The following SPAG17 variants were observed in gnomAD, a reference collection of about 807,000 sequenced individuals.
SPAG17 encodes the protein sperm-associated antigen 17.
A neutral mutation model predicts 273.6 loss-of-function variants in SPAG17; 169 were observed. The observed-to-expected ratio is 0.62, with a 90% CI of 0.55 to 0.70. SPAG17 has a LOEUF of 0.70. Among genes scored for constraint, SPAG17 ranks in the 30% least tolerant of loss-of-function variants. The pLI, the probability that SPAG17 is intolerant of heterozygous loss-of-function variation, is 0.00. For synonymous variants in SPAG17, 825 were observed against 873.2 expected (o/e 0.94, Z 0.97); for missense variants, 2,557 against 2,627.8 (o/e 0.97, Z 0.59).
At chr1:118,161,544 TC>T (rs1659913426) in intron 1 of SPAG17, among the ~76,000 whole-genome samples, 1 of 152,150 alleles carries the variant, frequency 6.6e-6, no homozygotes, top group Non-Finnish European at 1.5e-5. Context: ...AGGTTTTTTT[TC>T]TTCTTTTTTT....
chr1:118,034,653 T>A (rs1648864078), intron 24 of SPAG17, among the ~76,000 whole-genome samples: 1 of 152,134 alleles, frequency 6.6e-6, no homozygotes, highest in Non-Finnish European at 1.5e-5. Flanking sequence ...TGGTACAGCA[T>A]GAGAAAATGG....
chr1:118,055,849 T>C lies in SPAG17; in HGVS notation c.2606A>G (p.Gln869Arg), dbSNP rs760654863. The C allele has an allele frequency of 6.2e-7, 1 of 1,612,918 alleles. No individual in the cohort carries two copies. Among genetic ancestry groups the C allele is most frequent in the Non-Finnish European group, 8.5e-7 (1 of 1,179,464 alleles). ...DWITKEEAIY[Q>R]ESKMNEKIIR... ...GATTTTCTCATTCATTTTAGATTCCTGATATATAGCTTCTTCTTTTGTAAT... is the reference window on the plus strand; with the variant it reads ...GATTTTCTCATTCATTTTAGATTCCCGATATATAGCTTCTTCTTTTGTAAT... Residue 869 changes from glutamine to arginine, a missense_variant, in exon 19 of 49, where the codon CAG (glutamine) becomes CGG (arginine). Physicochemically the swap from Gln to Arg is conservative, Grantham distance 43 (BLOSUM62 1). Coordinates refer to ENST00000336338, the MANE Select transcript of SPAG17 (RefSeq NM_206996.4).
Position 118,159,905 on chromosome 1 carries a change from C to T in SPAG17, c.88-8536G>A, listed in dbSNP as rs553799398. On this transcript the variant is annotated intron_variant, in intron 1 of 48. Transcript: ENST00000336338. Reference sequence around the variant, plus strand: ...CACCCCCAACAGTGGGCTGAAATTACGGCTCCATTATGTTAGTACAATCCA... The same window carrying T: ...CACCCCCAACAGTGGGCTGAAATTATGGCTCCATTATGTTAGTACAATCCA... Among the ~76,000 whole-genome samples, 4 of 152,284 alleles carry T rather than the reference C, an allele frequency of 2.6e-5. No homozygotes were observed. In the South Asian group the frequency reaches 6.2e-4, roughly 24 times the overall value.
intron 1 of SPAG17, among the ~76,000 whole-genome samples, chr1:118,171,807 C>T (rs1313491665): frequency 6.6e-6 from 1 of 151,996 alleles, no homozygotes; most frequent in Admixed American, 6.6e-5. Context: ...ATTGCAAGGT[C>T]CACGTAAAAT....
intron 4 of SPAG17, among the ~76,000 whole-genome samples, chr1:118,108,643 G>A (rs1656558632): frequency 6.6e-6 from 1 of 151,848 alleles, no homozygotes; most frequent in Non-Finnish European, 1.5e-5. Flanking sequence ...CTCTCTCCAC[G>A]ATGTTTGAGG....
At chr1:118,141,787 A>C (rs1325132385) in intron 3 of SPAG17, among the ~76,000 whole-genome samples, 3 of 152,226 alleles carry the variant, frequency 2.0e-5, no homozygotes, top group Non-Finnish European at 4.4e-5. Flanking sequence ...TTTTAAAATT[A>C]TTTATTTTAG....
chr1:118,024,543 T>C (rs1296004752), intron 27 of SPAG17, among the ~76,000 whole-genome samples: 3 of 152,174 alleles, frequency 2.0e-5, no homozygotes, highest in Non-Finnish European at 2.9e-5. Flanking sequence ...TTTATGATTC[T>C]TGAGTGCATG....
intron 4 of SPAG17, among the ~76,000 whole-genome samples, chr1:118,104,376 C>G (rs1656259857): frequency 6.6e-6 from 1 of 152,102 alleles, no homozygotes; most frequent in South Asian, 2.1e-4. Context: ...TTAAGGTGGA[C>G]AGAATATTAA....
intron 4 of SPAG17, among the ~76,000 whole-genome samples, chr1:118,108,581 G>A (rs976151964): frequency 6.6e-6 from 1 of 152,098 alleles, no homozygotes; most frequent in African/African-American, 2.4e-5. Context: ...AATTCAGAGG[G>A]AACTCTTGTC....
At chr1:118,072,382 T>C (rs145356982) in intron 17 of SPAG17, among the ~76,000 whole-genome samples, 232 of 152,120 alleles carry the variant, frequency 1.5e-3, no homozygotes, top group African/African-American at 5.3e-3. Flanking sequence ...AGGCAACAGG[T>C]ATCTAACTGG....
intron 35 of SPAG17, among the ~76,000 whole-genome samples, chr1:117,994,061 T>C (rs958729407): frequency 3.9e-5 from 6 of 152,126 alleles, no homozygotes; most frequent in African/African-American, 1.4e-4. Flanking sequence ...TAAGAAATGA[T>C]AGAAGGAAAG....
chr1:118,126,706 A>AT (rs1657757685), intron 3 of SPAG17, among the ~76,000 whole-genome samples: 2 of 152,074 alleles, frequency 1.3e-5, no homozygotes, highest in South Asian at 4.2e-4. Flanking sequence ...CCATTTATCT[A>AT]TTTTTACTTT....
At chr1:118,049,917 C>T (rs535854721) in intron 20 of SPAG17, among the ~76,000 whole-genome samples, 1 of 152,252 alleles carries the variant, frequency 6.6e-6, no homozygotes, top group African/African-American at 2.4e-5. Context: ...GGAGGCATCT[C>T]CCAATAGATG....
intron 1 of SPAG17, among the ~76,000 whole-genome samples, chr1:118,176,841 T>TA (rs1357820157): frequency 2.0e-5 from 3 of 152,206 alleles, no homozygotes; most frequent in African/African-American, 7.2e-5. Flanking sequence ...GTGGAAATCA[T>TA]ATCAAGCATC....
At chr1:117,955,569 G>A (rs1274041488) in intron 48 of SPAG17, among the ~76,000 whole-genome samples, 1 of 152,008 alleles carries the variant, frequency 6.6e-6, no homozygotes, top group Non-Finnish European at 1.5e-5. Flanking sequence ...ATGCTTTTAA[G>A]GACAAATAAA....
intron 1 of SPAG17, among the ~76,000 whole-genome samples, chr1:118,157,975 G>A (rs1387745192): frequency 1.3e-5 from 2 of 151,536 alleles, no homozygotes; most frequent in African/African-American, 4.9e-5. Flanking sequence ...GGAGACCCAG[G>A]GAAAAAAAAT....
Position 118,086,972 on chromosome 1 carries a change from G to A in SPAG17, c.1396C>T (p.Leu466=). ...TCTGCTCTGGGGGATGGCTCCCGCAGACTGGGTGGGACGAGATCTTCTTCA... is the reference window on the plus strand; with the variant it reads ...TCTGCTCTGGGGGATGGCTCCCGCAAACTGGGTGGGACGAGATCTTCTTCA... ...ATEEDLVPPS[L]REPSPRADGL... is the part of the protein sequence containing the mutation. Residue 466 remains leucine (L), a synonymous_variant, in exon 11 of 49, where the codon CTG becomes TTG. Transcript: ENST00000336338. 6.3e-7 allele frequency: 1 copy of A among 1,578,806 alleles called. No individual in the cohort carries two copies.
At chr1:118,054,859 C>T (rs1263526580) in intron 19 of SPAG17, among the ~76,000 whole-genome samples, 2 of 151,926 alleles carry the variant, frequency 1.3e-5, no homozygotes, top group East Asian at 1.9e-4. Flanking sequence ...ATATGGTTTA[C>T]TTTAAAATCA....
chr1:118,088,616 C>A (rs1489320677), intron 10 of SPAG17, among the ~76,000 whole-genome samples: 2 of 151,980 alleles, frequency 1.3e-5, no homozygotes, highest in East Asian at 1.9e-4. Flanking sequence ...TTAAAATAAA[C>A]CTTTTATGTA....
Sources: gnomAD v4.1 joint callset for allele counts (sites outside exome capture counted in the v4.1 genomes callset) on GRCh38, gnomAD v4.1.1 for gene constraint, MANE v1.5 for transcripts, NCBI Gene and HGNC (gene_info 2026-07-23, HGNC 2026-07-21) for gene names.